HSF2BP: variants seen among roughly 807,000 people sequenced by gnomAD.
The protein encoded by HSF2BP is heat shock factor 2-binding protein.
In HSF2BP, 35 loss-of-function variants were observed where a neutral mutation model predicts 35.0. The observed-to-expected ratio is 1.00, with a 90% confidence interval of 0.76 to 1.32. HSF2BP has a LOEUF of 1.32. Ranked by LOEUF, HSF2BP falls within the 40% of genes most tolerant of loss-of-function variation. The pLI, the probability that HSF2BP is intolerant of heterozygous loss-of-function variation, is 0.00. For synonymous variants in HSF2BP, 114 were observed against 117.4 expected (o/e 0.97, Z 0.18); for missense variants, 326 against 321.7 (o/e 1.01, Z -0.10).
rs2082004497 is a variant in HSF2BP at position 43,597,804 on chromosome 21, A to G, written c.693-5476T>C. Among the ~76,000 whole-genome samples the G allele has an allele frequency of 6.6e-6, 1 of 152,254 alleles. No homozygotes were observed. The highest frequency in any genetic ancestry group is 1.5e-5 in the Non-Finnish European group (1 of 68,036). ...AGTGCTGGGATTACAGGCATAAGCC[A>G]TTGTGCCCAGCCCAAAATTTTAAAT... On this transcript the variant is annotated intron_variant, in intron 7 of 8. Coordinates refer to ENST00000291560, the MANE Select transcript of HSF2BP (RefSeq NM_007031.2). This position sits in a 1 kb window ranked among gnomAD's most constrained non-coding sequence, Gnocchi z 4.3.
chr21:43,588,292 C>A (rs540897355), intron 8 of HSF2BP, among the ~76,000 whole-genome samples: 1 of 152,124 alleles, frequency 6.6e-6, no homozygotes. Context: ...GCAGGAGAAT[C>A]GCTTGAACCC....
At chr21:43,501,534 C>CT in the HSF2BP span, among the ~76,000 whole-genome samples, 1 of 44,270 alleles carries the variant, frequency 2.3e-5, no homozygotes, top group Non-Finnish European at 4.1e-5. Flanking sequence ...TCCAGAGCAG[C>CT]TGGGATTACA....
intron 8 of HSF2BP, among the ~76,000 whole-genome samples, chr21:43,580,545 AC>A (rs1601612820): frequency 6.6e-6 from 1 of 152,260 alleles, no homozygotes; most frequent in East Asian, 1.9e-4. Context: ...GGAAAGGCTG[AC>A]ACCTTTGTTC....
chr21:43,624,524 C>T (rs983128855), intron 6 of HSF2BP, among the ~76,000 whole-genome samples: 3 of 152,090 alleles, frequency 2.0e-5, no homozygotes, highest in African/African-American at 4.8e-5. Flanking sequence ...TTGGTGTGAG[C>T]GTGTGGAGGA....
At chr21:43,606,075 G>T (rs1418134973) in intron 7 of HSF2BP, among the ~76,000 whole-genome samples, 3 of 152,190 alleles carry the variant, frequency 2.0e-5, no homozygotes, top group Non-Finnish European at 4.4e-5. Flanking sequence ...CACCTACCAA[G>T]GAAGAGCAGA....
chr21:43,646,897 C>G (rs1178786383), intron 3 of HSF2BP, among the ~76,000 whole-genome samples: 2 of 152,206 alleles, frequency 1.3e-5, no homozygotes, highest in Non-Finnish European at 2.9e-5. Context: ...CTTGCATTTT[C>G]AACTTGGCCC....
At chr21:43,607,759 T>C (rs897638888) in intron 7 of HSF2BP, among the ~76,000 whole-genome samples, 1 of 152,216 alleles carries the variant, frequency 6.6e-6, no homozygotes, top group African/African-American at 2.4e-5. Flanking sequence ...CATAGACCAA[T>C]GGAACAGAAT....
At chr21:43,612,067 G>A (rs2082211375) in intron 7 of HSF2BP, among the ~76,000 whole-genome samples, 1 of 152,150 alleles carries the variant, frequency 6.6e-6, no homozygotes, top group Non-Finnish European at 1.5e-5. Flanking sequence ...CAATAGCACT[G>A]TAAAGACTCT....
chr21:43,587,144 T>C (rs1404117734), intron 8 of HSF2BP, among the ~76,000 whole-genome samples: 1 of 152,208 alleles, frequency 6.6e-6, no homozygotes, highest in East Asian at 1.9e-4. Flanking sequence ...TAGTAAACTA[T>C]ATATTCACCT....
At chr21:43,573,146 C>G (rs961976466) in intron 8 of HSF2BP, among the ~76,000 whole-genome samples, 4 of 152,212 alleles carry the variant, frequency 2.6e-5, no homozygotes, top group Non-Finnish European at 4.4e-5. Flanking sequence ...GCATGGTGCT[C>G]TGGAATCAGA....
At position 43,597,996 on chromosome 21, in the gene HSF2BP, A is replaced by G. The variant is rs765141683; in HGVS notation, c.693-5668T>C. 1.5e-4 allele frequency among the ~76,000 whole-genome samples: 23 copies of G among 152,206 alleles called. No homozygotes were observed. On this transcript the variant is annotated intron_variant, in intron 7 of 8. Coordinates refer to ENST00000291560, the MANE Select transcript of HSF2BP (RefSeq NM_007031.2). The surrounding 1 kb of genome is among the most constrained non-coding windows in gnomAD (Gnocchi z 4.3). Reference sequence around the variant, plus strand: ...CTCTATTAAAATCTCTGGTTTCCCCACTAAACTTTGTCAAAAGCAAGCTCC... The same window carrying G: ...CTCTATTAAAATCTCTGGTTTCCCCGCTAAACTTTGTCAAAAGCAAGCTCC...
At chr21:43,649,065 A>T (rs986201577) in intron 3 of HSF2BP, among the ~76,000 whole-genome samples, 3 of 152,066 alleles carry the variant, frequency 2.0e-5, no homozygotes, top group African/African-American at 2.4e-5. Flanking sequence ...AATTAAAAAA[A>T]TTTTTTTGAG....
intron 8 of HSF2BP, among the ~76,000 whole-genome samples, chr21:43,584,995 A>ATTTAT (rs1568887870): frequency 2.8e-4 from 42 of 151,592 alleles, no homozygotes; most frequent in African/African-American, 1.0e-3. Flanking sequence ...ATTTTATTTA[A>ATTTAT]TTATTTATTT....
At chr21:43,633,018 A>G (rs2082503156) in intron 5 of HSF2BP, among the ~76,000 whole-genome samples, 1 of 152,220 alleles carries the variant, frequency 6.6e-6, no homozygotes, top group Non-Finnish European at 1.5e-5. Flanking sequence ...AAACACATGT[A>G]AAGTATTAAT....
chr21:43,640,847 C>G lies in HSF2BP; in HGVS notation c.291+3442G>C, dbSNP rs561750965. Reference sequence around the variant, plus strand: ...ATTTACTAAAAACTATCAAACTATACAATTACAATGCAAAAAAATTTTTGT... The same window carrying G: ...ATTTACTAAAAACTATCAAACTATAGAATTACAATGCAAAAAAATTTTTGT... On this transcript the variant is annotated intron_variant, in intron 4 of 8. Transcript: ENST00000291560. Among the ~76,000 whole-genome samples, 25 of 149,380 alleles carry G rather than the reference C, an allele frequency of 1.7e-4. No homozygotes were observed. The East Asian group carries it at 4.9e-3, about 29-fold the overall frequency.
chr21:43,644,524 T>C (rs140680373), intron 3 of HSF2BP, 132 bp from the exon 4 acceptor site: 18 of 656,176 alleles, frequency 2.7e-5, no homozygotes, highest in Middle Eastern at 8.1e-4. Context: ...ATTTCTTGAC[T>C]TCTAGCCTGT....
intron 4 of HSF2BP, among the ~76,000 whole-genome samples, chr21:43,639,713 A>G (rs1050878050): frequency 6.6e-6 from 1 of 152,224 alleles, no homozygotes; most frequent in African/African-American, 2.4e-5. Flanking sequence ...GACACTCTGG[A>G]AAACAATTTG....
At chr21:43,586,851 A>C (rs1262814657) in intron 8 of HSF2BP, among the ~76,000 whole-genome samples, 1 of 152,006 alleles carries the variant, frequency 6.6e-6, no homozygotes, top group Non-Finnish European at 1.5e-5. Context: ...CCCAGACTGA[A>C]GTGCAGTGGC....
rs749953570 is a variant in HSF2BP, at chr21:43,656,705, G to C, written c.69C>G (p.Val23=). The change falls in exon 3 of 9, where the codon GTC becomes GTG. Residue 23 remains valine (V), a synonymous_variant. Transcript: ENST00000291560. ...TCAGCCGTTCCAGATCCTTCTTTCTGACTTTAACAAATTCCTCTTTAGTTC... is the reference window on the plus strand; with the variant it reads ...TCAGCCGTTCCAGATCCTTCTTTCTCACTTTAACAAATTCCTCTTTAGTTC... ...HMGTKEEFVK[V]RKKDLERLTT... is the part of the protein sequence containing the mutation. The C allele has an allele frequency of 3.1e-6, 5 of 1,613,552 alleles. No individual in the cohort carries two copies. In the African/African-American group the frequency reaches 6.7e-5, roughly 22 times the overall value.
Sources: allele counts gnomAD v4.1 joint callset (sites outside exome capture counted in the v4.1 genomes callset), GRCh38; gene constraint gnomAD v4.1.1; non-coding constraint Gnocchi (gnomAD v3.1); transcripts MANE v1.5; gene names NCBI Gene and HGNC (gene_info 2026-07-23, HGNC 2026-07-21).